Variants in MYH15 observed in about 807,000 individuals in gnomAD.
MYH15 encodes the protein myosin heavy chain 15.
Under a neutral mutation model 240.5 loss-of-function variants are expected in MYH15, and 227 were observed. The observed-to-expected ratio is 0.94, with a 90% CI of 0.85 to 1.05. MYH15 has a LOEUF of 1.05. Ranked by LOEUF, MYH15 falls within the 50% of genes least tolerant of loss-of-function variation. MYH15 has a pLI of 0.00. For synonymous variants in MYH15, 785 were observed against 796.7 expected, an observed-to-expected ratio of 0.99 and a Z score of 0.25; for missense variants, 2,217 against 2,247.5, an observed-to-expected ratio of 0.99 and a Z score of 0.27.
chr3:108,439,526 T>C (rs1297279388), intron 24 of MYH15, among the ~76,000 whole-genome samples: 1 of 152,244 alleles, frequency 6.6e-6, no homozygotes, highest in Non-Finnish European at 1.5e-5. Flanking sequence ...GAAAATTGCA[T>C]TTAAAAACCG....
intron 2 of MYH15, among the ~76,000 whole-genome samples, chr3:108,502,164 G>A (rs2083443663): frequency 6.6e-6 from 1 of 152,186 alleles, no homozygotes; most frequent in East Asian, 1.9e-4. Context: ...ATCATATTAT[G>A]TACAATCTAA....
At chr3:108,411,287 C>A (rs2082591220) in intron 30 of MYH15, among the ~76,000 whole-genome samples, 1 of 152,152 alleles carries the variant, frequency 6.6e-6, no homozygotes, top group African/African-American at 2.4e-5. Context: ...GTACTGAACA[C>A]CCTACCAACA....
the MYH15 span, chr3:108,550,722 T>G: frequency 6.6e-6 from 1 of 151,948 alleles, no homozygotes; most frequent in East Asian, 1.9e-4. Flanking sequence ...CTTTACTTTT[T>G]ACTTTTACTC....
intron 35 of MYH15, among the ~76,000 whole-genome samples, chr3:108,395,553 G>T (rs1203498904): frequency 2.0e-5 from 3 of 151,558 alleles, no homozygotes; most frequent in African/African-American, 7.3e-5. Flanking sequence ...TTTGTACATA[G>T]AATCCTTTAA....
chr3:108,485,680 A>C (rs1180557896), intron 10 of MYH15, among the ~76,000 whole-genome samples: 1 of 152,236 alleles, frequency 6.6e-6, no homozygotes, highest in Non-Finnish European at 1.5e-5. Context: ...AAGCCACCTC[A>C]CCATAAAATT....
At chr3:108,550,483 A>G in the MYH15 span, 3 of 151,440 alleles carry the variant, frequency 2.0e-5, no homozygotes, top group African/African-American at 7.2e-5. Flanking sequence ...ACAAGTTCTT[A>G]GATTTTTTAT....
upstream of MYH15, among the ~76,000 whole-genome samples, chr3:108,531,875 A>G (rs1198686615): frequency 6.6e-6 from 1 of 152,144 alleles, no homozygotes; most frequent in East Asian, 1.9e-4. Flanking sequence ...TGCCATTTGA[A>G]AAATTAAAAC....
chr3:108,485,803 A>G (rs1199434665), intron 10 of MYH15, among the ~76,000 whole-genome samples: 1 of 152,234 alleles, frequency 6.6e-6, no homozygotes, highest in Admixed American at 6.5e-5. Flanking sequence ...AGACTATAAA[A>G]AATTCATAAT....
rs775588566 is a variant in MYH15 at position 108,441,201 on chromosome 3, G to C, written c.2715C>G (p.Ile905Met). ...GCTCCTTTACTCTGGCCTCCAGCTG[G>C]ATCTTGGATTTAATCAGCCACTCGC... is the stretch of plus-strand genomic sequence containing the variant. ...EQCEWLIKSK[I>M]QLEARVKELS... The change falls in exon 23 of 41, where the codon ATC (isoleucine) becomes ATG (methionine). Residue 905 changes from isoleucine to methionine, a missense_variant. Coordinates refer to ENST00000693548, the MANE Select transcript of MYH15 (RefSeq NM_014981.3). 1.7e-5 allele frequency: 28 copies of C among 1,614,032 alleles called. No individual in the cohort carries two copies. The South Asian group carries it at 3.1e-4, about 18-fold the overall frequency.
At chr3:108,482,038 T>C (rs776080279) in intron 11 of MYH15, among the ~76,000 whole-genome samples, 9 of 151,908 alleles carry the variant, frequency 5.9e-5, no homozygotes, top group Non-Finnish European at 1.3e-4. Context: ...GGAAGGAGGC[T>C]GTAGTAAGAA....
At position 108,476,466 on chromosome 3, in the gene MYH15, T is replaced by C. The variant is rs1377907470; in HGVS notation, c.1164A>G (p.Val388=). 1.2e-6 allele frequency: 2 copies of C among 1,613,470 alleles called. No individual in the cohort carries two copies. The highest frequency in any genetic ancestry group is 3.3e-5 in the Admixed American group (2 of 59,952). ...FLMGINSSEL[V]KCLIHPRIKV... ...TGATTCTAGGATGGATCAAGCACTT[T>C]ACCAACTCAGAGGAGTTAATGCCCA... The change falls in exon 12 of 41, where the codon GTA becomes GTG. Residue 388 remains valine (V), a synonymous_variant. Coordinates refer to ENST00000693548, the MANE Select transcript of MYH15 (RefSeq NM_014981.3).
At chr3:108,506,052 TG>T (rs1250002671) in intron 1 of MYH15, among the ~76,000 whole-genome samples, 5 of 152,026 alleles carry the variant, frequency 3.3e-5, no homozygotes, top group Non-Finnish European at 7.4e-5. Flanking sequence ...AGCAGCAGCT[TG>T]GGGGCACCAT....
At chr3:108,538,089 AG>A in the MYH15 span, among the ~76,000 whole-genome samples, 1 of 152,184 alleles carries the variant, frequency 6.6e-6, no homozygotes, top group Non-Finnish European at 1.5e-5. Context: ...TCCCAGATCT[AG>A]GAATACTAAG....
chr3:108,394,525 T>C (rs1307897476), intron 35 of MYH15, among the ~76,000 whole-genome samples: 2 of 152,210 alleles, frequency 1.3e-5, no homozygotes, highest in Non-Finnish European at 2.9e-5. Context: ...TTGGGGTCAG[T>C]TGCAGACATC....
chr3:108,384,248 C>A (rs2082365250), intron 39 of MYH15, among the ~76,000 whole-genome samples: 1 of 152,022 alleles, frequency 6.6e-6, no homozygotes, highest in Non-Finnish European at 1.5e-5. Flanking sequence ...AGATACTGAC[C>A]CAGGGATGGC....
intron 9 of MYH15, among the ~76,000 whole-genome samples, chr3:108,487,940 ATTT>A (rs1304018118): frequency 1.3e-5 from 2 of 152,144 alleles, no homozygotes; most frequent in African/African-American, 4.8e-5. Flanking sequence ...TTTTGAAATG[ATTT>A]TTATTTTTTA....
chr3:108,491,968 C>T (rs996376880), intron 9 of MYH15, among the ~76,000 whole-genome samples: 1 of 152,060 alleles, frequency 6.6e-6, no homozygotes. Flanking sequence ...GAGCCAGACA[C>T]GGTGGTTCAC....
intron 14 of MYH15, among the ~76,000 whole-genome samples, chr3:108,468,000 C>G (rs1037706786): frequency 2.0e-5 from 3 of 150,390 alleles, no homozygotes; most frequent in Admixed American, 6.6e-5. Flanking sequence ...GAATCTCACT[C>G]TGTTGCCCAG....
intron 14 of MYH15, among the ~76,000 whole-genome samples, chr3:108,469,340 G>T (rs2107586247): frequency 6.6e-6 from 1 of 152,280 alleles, no homozygotes; most frequent in East Asian, 1.9e-4. Context: ...CGAGGCCCAA[G>T]AGGCATGTAA....
Sources: gnomAD v4.1 joint callset for allele counts (sites outside exome capture counted in the v4.1 genomes callset) on GRCh38, gnomAD v4.1.1 for gene constraint, MANE v1.5 for transcripts, NCBI Gene and HGNC (gene_info 2026-07-23, HGNC 2026-07-21) for gene names.